PBRM1: variants seen among roughly 807,000 people sequenced by gnomAD.
The protein encoded by PBRM1 is protein polybromo-1.
PBRM1 carries 27 observed loss-of-function variants against 194.5 expected under a neutral mutation model. The observed-to-expected ratio is 0.14, with a 90% CI of 0.10 to 0.19. The LOEUF is 0.19. PBRM1 is among the 10% of genes least tolerant of loss of function. The pLI is 1.00. For synonymous variants in PBRM1, 655 were observed against 693.2 expected (o/e 0.94, Z 0.87); for missense variants, 1,466 against 2,077.2 (o/e 0.71, Z 5.72).
At chr3:52,637,773 C>CAAAAAAAAAAAAAAAAA (rs755241328) in intron 10 of PBRM1, among the ~76,000 whole-genome samples, 452 of 42,190 alleles carry the variant, frequency 0.011, 48 homozygotes, top group Non-Finnish European at 0.017. Context: ...ACTAAAAATA[C>CAAAAAAAAAAAAAAAAA]AAAAAAAAAA....
intron 22 of PBRM1, among the ~76,000 whole-genome samples, chr3:52,567,565 C>CAAAAAAAA (rs10644120): frequency 7.6e-5 from 7 of 91,558 alleles, no homozygotes; most frequent in Non-Finnish European, 1.1e-4. Context: ...TAGGTAATCT[C>CAAAAAAAA]AAAAAAAAAA....
chr3:52,573,826 T>C (rs1314008011), intron 22 of PBRM1, among the ~76,000 whole-genome samples: 1 of 152,220 alleles, frequency 6.6e-6, no homozygotes, highest in Non-Finnish European at 1.5e-5. Context: ...TGTGGCATTT[T>C]AACTTACCCT....
chr3:52,578,081 C>T (rs2090151948), intron 21 of PBRM1, among the ~76,000 whole-genome samples: 1 of 152,116 alleles, frequency 6.6e-6, no homozygotes, highest in African/African-American at 2.4e-5. Flanking sequence ...GCCTGGAATC[C>T]TTTCTCCCTG....
chr3:52,661,380 A>T (rs1324069177), intron 4 of PBRM1, among the ~76,000 whole-genome samples: 2 of 152,222 alleles, frequency 1.3e-5, no homozygotes, highest in African/African-American at 2.4e-5. Context: ...TGTCAGGTAT[A>T]GTGCAGATAT....
chr3:52,590,709 C>G (rs960059151), intron 17 of PBRM1, among the ~76,000 whole-genome samples: 1 of 152,058 alleles, frequency 6.6e-6, no homozygotes, highest in African/African-American at 2.4e-5. Flanking sequence ...GTGATCTGCC[C>G]GCCTTAGCCT....
intron 16 of PBRM1, 144 bp from the exon 19 acceptor site, chr3:52,603,876 T>C: frequency 1.3e-6 from 1 of 776,054 alleles, no homozygotes. Flanking sequence ...TTCCGAAGTT[T>C]GTTAGAACAA....
chr3:52,673,460 G>C (rs1309297410), intron 2 of PBRM1, among the ~76,000 whole-genome samples: 1 of 145,120 alleles, frequency 6.9e-6, no homozygotes, highest in Admixed American at 6.8e-5. Flanking sequence ...CCTGAGGTCA[G>C]GAGTTCGAGA....
At chr3:52,590,349 G>A (rs1216669023) in intron 17 of PBRM1, among the ~76,000 whole-genome samples, 2 of 151,966 alleles carry the variant, frequency 1.3e-5, no homozygotes, top group South Asian at 2.1e-4. Flanking sequence ...CCAGCTACTT[G>A]GGAGGTTGAG....
chr3:52,601,914 C>T (rs2094022938), intron 17 of PBRM1, among the ~76,000 whole-genome samples: 1 of 152,130 alleles, frequency 6.6e-6, no homozygotes. Flanking sequence ...GAGCTAGTAC[C>T]CGGACCGACA....
chr3:52,627,247 TC>T (rs762019676), intron 13 of PBRM1, 25 bp downstream of exon 14: 2 of 1,270,550 alleles, frequency 1.6e-6, no homozygotes, highest in Non-Finnish European at 2.3e-6. Context: ...AACTGAGATG[TC>T]CCCAGCTATA....
At chr3:52,618,578 G>T (rs2095096474) in intron 13 of PBRM1, among the ~76,000 whole-genome samples, 1 of 150,424 alleles carries the variant, frequency 6.6e-6, no homozygotes, top group Admixed American at 6.7e-5. Context: ...AACAAGAAAT[G>T]ACTTATGACT....
chr3:52,591,817 CTTTT>C (rs34822595), intron 17 of PBRM1, among the ~76,000 whole-genome samples: 3 of 94,948 alleles, frequency 3.2e-5, no homozygotes, highest in Non-Finnish European at 4.1e-5. Context: ...TGCGCCCGGC[CTTTT>C]TTTTTTTTTT....
At chr3:52,563,433 T>C (rs2084202688) in exon 24 of PBRM1, 3 of 1,614,070 alleles carry the variant, frequency 1.9e-6, no homozygotes, top group Non-Finnish European at 2.5e-6. Flanking sequence ...ATTTAGCTTC[T>C]AGCAACTGGA....
chr3:52,627,921 T>C (rs1490344690), intron 12 of PBRM1, among the ~76,000 whole-genome samples: 3 of 152,206 alleles, frequency 2.0e-5, no homozygotes, highest in African/African-American at 7.2e-5. Context: ...CTGTTAATCA[T>C]ATAAAATGAA....
intron 3 of PBRM1, among the ~76,000 whole-genome samples, chr3:52,664,059 CAAAAAAAA>C (rs748042916): frequency 2.2e-5 from 2 of 92,904 alleles, no homozygotes; most frequent in Non-Finnish European, 4.5e-5. Flanking sequence ...GACTCCGTCT[CAAAAAAAA>C]AAAAAAAAGT....
chr3:52,567,656 T>C (rs542975833), intron 22 of PBRM1, among the ~76,000 whole-genome samples: 1 of 150,946 alleles, frequency 6.6e-6, no homozygotes, highest in Non-Finnish European at 1.5e-5. Flanking sequence ...ATTTCTCTAA[T>C]GGCCAAGGTT....
At chr3:52,612,366 G>C (rs1305306591) in intron 15 of PBRM1, among the ~76,000 whole-genome samples, 1 of 150,696 alleles carries the variant, frequency 6.6e-6, no homozygotes, top group Non-Finnish European at 1.5e-5. Flanking sequence ...TACAACATAA[G>C]GGCAGCAAAC....
At chr3:52,569,769 T>C (rs2086453955) in intron 22 of PBRM1, among the ~76,000 whole-genome samples, 1 of 152,222 alleles carries the variant, frequency 6.6e-6, no homozygotes, top group Non-Finnish European at 1.5e-5. Context: ...ACTGAATCTT[T>C]TAAGATAATA....
chr3:52,627,383 A>G lies in PBRM1; in HGVS notation c.1444-13T>C. The G allele has an allele frequency of 6.5e-7, 1 of 1,541,702 alleles. No homozygotes were observed. Among genetic ancestry groups the G allele is most frequent in the Non-Finnish European group, 9.0e-7 (1 of 1,114,498 alleles). On this transcript the variant is annotated splice_polypyrimidine_tract_variant and intron_variant, in intron 12 of 29. Transcript: ENST00000296302. ...CTTTCTTCTTTGCCTAAAACAGAGC[A>G]GATCTCAGGAGTTGAGCTCATGTGC... is the stretch of plus-strand genomic sequence containing the variant.
Sources: gnomAD v4.1 joint callset for allele counts (sites outside exome capture counted in the v4.1 genomes callset) on GRCh38, gnomAD v4.1.1 for gene constraint, MANE v1.5 for transcripts, NCBI Gene and HGNC (gene_info 2026-07-23, HGNC 2026-07-21) for gene names.